Variants in SMARCC1 observed in about 807,000 individuals in gnomAD.
SMARCC1 encodes the protein SWI/SNF related BAF chromatin remodeling complex subunit C1, also known as SWI/SNF complex subunit SMARCC1.
In SMARCC1, 43 loss-of-function variants were observed where a neutral mutation model predicts 147.4. The ratio of observed to expected loss-of-function variants is 0.29; its 90% confidence interval spans 0.23 to 0.38. The LOEUF is 0.38. SMARCC1 is among the 10% of genes least tolerant of loss of function. The pLI, the probability that SMARCC1 is intolerant of heterozygous loss-of-function variation, is 1.00. For missense variants in SMARCC1, 1,119 were observed against 1,381.1 expected, an observed-to-expected ratio of 0.81 and a Z score of 3.01; for synonymous variants, 495 against 484.4, an observed-to-expected ratio of 1.02 and a Z score of -0.29.
chr3:47,710,594 T>A lies in SMARCC1; in HGVS notation c.918+89A>T, dbSNP rs951000751. On this transcript the variant is annotated intron_variant, in intron 9 of 27. Transcript: ENST00000254480. ...GCAGATGTGAAAGTTCCTAAGTGGT[T>A]TGTATATGACAGCTTACTGATGAAG... is the stretch of plus-strand genomic sequence containing the variant. 5.3e-6 allele frequency: 7 copies of A among 1,319,090 alleles called. No individual in the cohort carries two copies. The Admixed American group carries it at 1.2e-4, about 23-fold the overall frequency. The allele number at this position is 1,319,090 out of a possible 1,614,324, so 81.7% of individuals were successfully genotyped here.
At chr3:47,679,047 T>TACAGCAGATACTAAGGACTTCTGTC (rs1379846423) in intron 15 of SMARCC1, among the ~76,000 whole-genome samples, 3 of 152,130 alleles carry the variant, frequency 2.0e-5, no homozygotes, top group African/African-American at 7.2e-5. Flanking sequence ...GAGATTCTGT[T>TACAGCAGATACTAAGGACTTCTGTC]ACAGCAGATA....
chr3:47,656,302 T>C (rs908413398), intron 21 of SMARCC1, among the ~76,000 whole-genome samples: 1 of 152,224 alleles, frequency 6.6e-6, no homozygotes, highest in Admixed American at 6.5e-5. Context: ...TCTTTAAGAC[T>C]GATTAAAGAG....
At chr3:47,619,302 G>A (rs2032692956) in intron 25 of SMARCC1, among the ~76,000 whole-genome samples, 2 of 152,186 alleles carry the variant, frequency 1.3e-5, no homozygotes, top group Admixed American at 6.5e-5. Context: ...AACAATGCTG[G>A]CACGCACTCA....
intron 21 of SMARCC1, among the ~76,000 whole-genome samples, chr3:47,657,820 A>AT (rs2033284222): frequency 6.6e-6 from 1 of 152,120 alleles, no homozygotes; most frequent in African/African-American, 2.4e-5. Context: ...TCTCAAAAAA[A>AT]AAAGAAATTA....
At chr3:47,636,788 A>ATGTGTGTGTGTGTGTGTGTGTGTG (rs35445330) in intron 22 of SMARCC1, among the ~76,000 whole-genome samples, 1 of 80,624 alleles carries the variant, frequency 1.2e-5, no homozygotes, top group African/African-American at 4.3e-5. Flanking sequence ...AAATATATAT[A>ATGTGTGTGTGTGTGTGTGTGTGTG]TGTGTGTGTG....
chr3:47,649,031 C>T lies in SMARCC1; in HGVS notation c.2321-10251G>A, dbSNP rs187961834. ...AGACATCAGGAAAGTCACGTAAACCCTAGTCAGTCCTTAGAAATTAAATGT... is the reference window on the plus strand; with the variant it reads ...AGACATCAGGAAAGTCACGTAAACCTTAGTCAGTCCTTAGAAATTAAATGT... On this transcript the variant is annotated intron_variant, in intron 21 of 27. Transcript: ENST00000254480. Among the ~76,000 whole-genome samples the T allele has an allele frequency of 3.5e-4, 53 of 152,292 alleles. 1 individual carries two copies. The highest frequency in any genetic ancestry group is 1.5e-5 in the Non-Finnish European group (1 of 68,024).
chr3:47,733,303 T>C (rs2034398776), intron 5 of SMARCC1, among the ~76,000 whole-genome samples: 1 of 151,202 alleles, frequency 6.6e-6, no homozygotes, highest in African/African-American at 2.4e-5. Flanking sequence ...GCAGGGCGGG[T>C]TCTGCGGCTC....
chr3:47,765,177 G>C (rs1388395372), intron 2 of SMARCC1, among the ~76,000 whole-genome samples: 1 of 152,130 alleles, frequency 6.6e-6, no homozygotes, highest in Admixed American at 6.6e-5. Flanking sequence ...CTTGAACTCG[G>C]GAGGCAGAGG....
intron 21 of SMARCC1, among the ~76,000 whole-genome samples, chr3:47,650,291 TAA>T (rs1491406797): frequency 7.1e-6 from 1 of 139,998 alleles, no homozygotes; most frequent in Non-Finnish European, 1.6e-5. Flanking sequence ...ATAATAATAA[TAA>T]TAATAATTAT....
chr3:47,753,712 CAAAAAAAAAAA>C (rs71070226), intron 2 of SMARCC1, among the ~76,000 whole-genome samples: 5 of 69,606 alleles, frequency 7.2e-5, no homozygotes, highest in Non-Finnish European at 1.0e-4. Context: ...AACTCCATCT[CAAAAAAAAAAA>C]AAAAAAAAAA....
In SMARCC1 at chr3:47,610,280, G is replaced by A; in HGVS notation, c.2829C>T (p.His943=). ...ATTCAGCATACTTCAGCTGTTCCAT[G>A]TGGAAGTTTTGGCGTTCAGTAAGCA... ...QQLLTERQNF[H]MEQLKYAELR... is the part of the protein sequence containing the mutation. Residue 943 remains histidine (H), a synonymous_variant, in exon 26 of 28, where the codon CAC becomes CAT. Coordinates refer to ENST00000254480, the MANE Select transcript of SMARCC1 (RefSeq NM_003074.4). The A allele has an allele frequency of 6.2e-7, 1 of 1,614,206 alleles. No individual in the cohort carries two copies. Among genetic ancestry groups the A allele is most frequent in the Non-Finnish European group, 8.5e-7 (1 of 1,180,032 alleles).
In SMARCC1 at chr3:47,676,798, C is replaced by A; in HGVS notation, c.1572-16G>T. ...GGCATGGACCCTAAAGAATAAAGCTCGGAAAGTTAAAATCTAAAGAATCAA... is the reference window on the plus strand; with the variant it reads ...GGCATGGACCCTAAAGAATAAAGCTAGGAAAGTTAAAATCTAAAGAATCAA... On this transcript the variant is annotated splice_polypyrimidine_tract_variant and intron_variant, in intron 16 of 27. Transcript: ENST00000254480. 6.2e-7 allele frequency: 1 copy of A among 1,609,250 alleles called. No individual in the cohort carries two copies. The highest frequency in any genetic ancestry group is 1.3e-5 in the African/African-American group (1 of 74,754).
chr3:47,683,964 A>G lies in SMARCC1; in HGVS notation c.1385+2085T>C, dbSNP rs556865545. Among the ~76,000 whole-genome samples the G allele has an allele frequency of 1.2e-3, 168 of 139,844 alleles. 2 individuals carry two copies. The highest frequency in any genetic ancestry group is 4.0e-3 in the African/African-American group (150 of 37,384). 91.7% of individuals were successfully genotyped at this position (139,844 alleles called of 152,430 possible). On this transcript the variant is annotated intron_variant, in intron 14 of 27. Transcript: ENST00000254480. ...CTCATAAGCAATCAATAAAAAAGAC[A>G]GTACTCGGCCGGGCGCGGTGGCTCA...
chr3:47,682,371 T>C (rs2033664326), intron 14 of SMARCC1, among the ~76,000 whole-genome samples: 1 of 151,552 alleles, frequency 6.6e-6, no homozygotes, highest in South Asian at 2.1e-4. Flanking sequence ...CTAGAACTCC[T>C]AAGCTCAGGC....
chr3:47,600,123 C>T (rs2032360196), intron 26 of SMARCC1, among the ~76,000 whole-genome samples: 2 of 152,146 alleles, frequency 1.3e-5, no homozygotes, highest in Non-Finnish European at 2.9e-5. Flanking sequence ...GATTCTTTAT[C>T]CTATTGTCAC....
At position 47,745,808 on chromosome 3, in the gene SMARCC1, A is replaced by T. The variant is rs1027314625; in HGVS notation, c.401+100T>A. 7 of 645,758 alleles carry T rather than the reference A, an allele frequency of 1.1e-5. No homozygotes were observed. In the African/African-American group the frequency reaches 1.1e-4, roughly 10 times the overall value. 40.0% of individuals were successfully genotyped at this position (645,758 alleles called of 1,614,324 possible). On this transcript the variant is annotated intron_variant, in intron 3 of 27. Transcript: ENST00000254480. ...TAAATTAGGGCTCTTGGTAAAACAC[A>T]TTAATCATCATGTGCTTACAGGATT...
At chr3:47,608,484 AG>A (rs1265154491) in intron 26 of SMARCC1, among the ~76,000 whole-genome samples, 1 of 152,208 alleles carries the variant, frequency 6.6e-6, no homozygotes, top group Non-Finnish European at 1.5e-5. Flanking sequence ...TGACAACACC[AG>A]AACTACTGAT....
At chr3:47,740,866 A>C (rs12629983) in intron 3 of SMARCC1, among the ~76,000 whole-genome samples, 35,347 of 149,968 alleles carry the variant, frequency 0.24, 4,612 homozygotes, top group South Asian at 0.4. Flanking sequence ...AAAAAAAAAA[A>C]AAACAAAAAC....
At chr3:47,706,112 ACTT>A (rs1216744622) in intron 10 of SMARCC1, among the ~76,000 whole-genome samples, 1 of 151,968 alleles carries the variant, frequency 6.6e-6, no homozygotes, top group African/African-American at 2.4e-5. Flanking sequence ...AATGTCTTAA[ACTT>A]CTTACCAGTC....
Sources: allele counts gnomAD v4.1 joint callset (sites outside exome capture counted in the v4.1 genomes callset), GRCh38; gene constraint gnomAD v4.1.1; transcripts MANE v1.5; gene names NCBI Gene and HGNC (gene_info 2026-07-23, HGNC 2026-07-21).